The following CAPN9 variants were observed in gnomAD, a reference collection of about 807,000 sequenced individuals.
CAPN9 encodes calpain 9.
CAPN9 carries 81 observed loss-of-function variants against 92.8 expected under a neutral mutation model. That is an observed-to-expected ratio of 0.87 (90% CI 0.73 to 1.05). The LOEUF is 1.05. Ranked by LOEUF, CAPN9 falls within the 50% of genes least tolerant of loss-of-function variation. The pLI, the probability that CAPN9 is intolerant of heterozygous loss-of-function variation, is 0.00. For synonymous variants in CAPN9, 304 were observed against 328.0 expected (o/e 0.93, Z 0.79); for missense variants, 848 against 866.2 (o/e 0.98, Z 0.26).
At chr1:230,766,192 C>T (rs1041154557) in intron 4 of CAPN9, among the ~76,000 whole-genome samples, 1 of 152,156 alleles carries the variant, frequency 6.6e-6, no homozygotes, top group Non-Finnish European at 1.5e-5. Flanking sequence ...AACTCCTGGG[C>T]TCAAGTGATT....
rs768489493 is a variant in CAPN9 at position 230,780,216 on chromosome 1, G to A, written c.1152G>A (p.Leu384=). The change falls in exon 10 of 20, where the codon CTG becomes CTA. Residue 384 remains leucine (L), a synonymous_variant. Transcript: ENST00000271971. The part of the protein sequence containing the change: ...FWTNPQIKLS[L]TEKDEGQEEC... ...CCAATCCACAAATAAAATTGTCTCT[G>A]ACTGAGAAAGATGAGGGGCAGGAGG... is the stretch of plus-strand genomic sequence containing the variant. 7.4e-6 allele frequency: 12 copies of A among 1,613,936 alleles called. No individual in the cohort carries two copies. The highest frequency in any genetic ancestry group is 1.0e-5 in the Non-Finnish European group (12 of 1,179,928).
chr1:230,767,762 C>T (rs370440769), intron 5 of CAPN9, 53 bp downstream of exon 5: 2 of 1,534,340 alleles, frequency 1.3e-6, no homozygotes. Flanking sequence ...CTGCATAGTG[C>T]ATTCCAGGCA....
At chr1:230,795,407 G>T (rs1051046026) in intron 18 of CAPN9, 128 bp downstream of exon 18, 4 of 640,618 alleles carry the variant, frequency 6.2e-6, no homozygotes, top group Non-Finnish European at 1.1e-5. Flanking sequence ...GGTCTGATGT[G>T]TGTGGACCCA....
In CAPN9 at chr1:230,780,223, A is replaced by T; in HGVS notation, c.1159A>T (p.Lys387Ter). The T allele has an allele frequency of 6.2e-7, 1 of 1,614,006 alleles. No individual in the cohort carries two copies. Among genetic ancestry groups the T allele is most frequent in the Non-Finnish European group, 8.5e-7 (1 of 1,179,920 alleles). The stretch of plus-strand genomic sequence containing the variant: ...ACAAATAAAATTGTCTCTGACTGAG[A>T]AAGATGAGGGGCAGGAGGAGTGTAG... Reference protein sequence around the residue: ...NPQIKLSLTEKDEGQEECSFL... With the variant: ...NPQIKLSLTE The change falls in exon 10 of 20, where the codon AAA (lysine) becomes TAA (stop). Residue 387 changes from lysine (K) to a stop codon, truncating the protein, a stop_gained. Coordinates refer to ENST00000271971, the MANE Select transcript of CAPN9 (RefSeq NM_006615.3). LOFTEE classifies it high-confidence loss of function.
intron 8 of CAPN9, among the ~76,000 whole-genome samples, chr1:230,777,494 CCTT>C (rs1329199902): frequency 3.9e-5 from 6 of 152,064 alleles, no homozygotes; most frequent in Non-Finnish European, 5.9e-5. Flanking sequence ...TGAATTCCCC[CCTT>C]CTTCTGAATC....
At chr1:230,757,462 G>C (rs1349220288) in intron 2 of CAPN9, among the ~76,000 whole-genome samples, 4 of 152,184 alleles carry the variant, frequency 2.6e-5, no homozygotes, top group African/African-American at 7.2e-5. Flanking sequence ...TTACCTTAGT[G>C]GATGGTTGAT....
Position 230,794,664 on chromosome 1 carries a change from G to A in CAPN9, c.1871-499G>A, listed in dbSNP as rs1469833004. On this transcript the variant is annotated intron_variant, in intron 17 of 19. Transcript: ENST00000271971. The stretch of plus-strand genomic sequence containing the variant: ...ATTCTTCCCCCATCGTGGATGTGTA[G>A]GAATGGGCCCTGGCAGAGTATCATT... 1.3e-5 allele frequency among the ~76,000 whole-genome samples: 2 copies of A among 152,166 alleles called. 1 individual carries two copies.
chr1:230,756,397 TTAGA>T (rs1318068225), intron 2 of CAPN9, among the ~76,000 whole-genome samples: 1 of 151,812 alleles, frequency 6.6e-6, no homozygotes, highest in Non-Finnish European at 1.5e-5. Context: ...GGATGCATAA[TTAGA>T]TAGATAAATA....
intron 1 of CAPN9, among the ~76,000 whole-genome samples, chr1:230,750,505 G>A (rs1664696581): frequency 6.6e-6 from 1 of 152,188 alleles, no homozygotes; most frequent in South Asian, 2.1e-4. Flanking sequence ...CTGAGGATGA[G>A]CATGGAGACT....
intron 5 of CAPN9, among the ~76,000 whole-genome samples, chr1:230,768,627 A>G (rs1666170182): frequency 6.6e-6 from 1 of 151,832 alleles, no homozygotes; most frequent in African/African-American, 2.4e-5. Flanking sequence ...CTCTATGCAT[A>G]CAAACACACA....
chr1:230,756,305 TGA>T (rs113474263), intron 2 of CAPN9, among the ~76,000 whole-genome samples: 203 of 140,848 alleles, frequency 1.4e-3, no homozygotes, highest in South Asian at 7.3e-3. Context: ...GAGAGACAAT[TGA>T]GAGAGAGAGA....
At chr1:230,751,640 AAAGAAAGAAAGAAAG>A (rs1664825201) in intron 1 of CAPN9, among the ~76,000 whole-genome samples, 1 of 95,506 alleles carries the variant, frequency 1.0e-5, no homozygotes, top group Admixed American at 9.1e-5. Flanking sequence ...AGAAAGAAAG[AAAGAAAGAAAGAAAG>A]AAAGAAAGAA....
chr1:230,762,471 A>G (rs1399179622), intron 3 of CAPN9, among the ~76,000 whole-genome samples, 182 bp from the exon 4 acceptor site: 1 of 152,176 alleles, frequency 6.6e-6, no homozygotes, highest in Non-Finnish European at 1.5e-5. Flanking sequence ...TGGAATACTC[A>G]GCTTGTAACT....
rs900502387 is a variant in CAPN9 at position 230,792,343 on chromosome 1, C to G, written c.1723-83C>G. The stretch of plus-strand genomic sequence containing the variant: ...CCCAGGCCAGCCCATCGGCCCTCCC[C>G]CTCTGCAGTCCCAGAGCTGAGGTCC... On this transcript the variant is annotated intron_variant, in intron 15 of 19. Transcript: ENST00000271971. 5.3e-5 allele frequency: 63 copies of G among 1,183,864 alleles called. 1 individual carries two copies. The East Asian group carries it at 1.1e-3, about 21-fold the overall frequency. 73.3% of individuals were successfully genotyped at this position (1,183,864 alleles called of 1,614,324 possible). A position where few individuals can be genotyped will look rare whatever the true frequency, so the allele number is the denominator to read the frequency against.
intron 19 of CAPN9, among the ~76,000 whole-genome samples, chr1:230,800,238 GAAAGAA>G (rs1668601876): frequency 2.0e-5 from 1 of 49,516 alleles, no homozygotes; most frequent in African/African-American, 8.9e-5. Flanking sequence ...AAAGAAGAAA[GAAAGAA>G]AGAAAGAAAG....
chr1:230,772,145 G>A, intron 7 of CAPN9, 46 bp downstream of exon 7: 1 of 1,528,190 alleles, frequency 6.5e-7, no homozygotes, highest in Non-Finnish European at 9.1e-7. Context: ...CGGGGCGTGT[G>A]GGGCCAGAGC....
Position 230,799,888 on chromosome 1 carries a change from C to T in CAPN9, c.2046+1668C>T, listed in dbSNP as rs370334465. 3.9e-4 allele frequency among the ~76,000 whole-genome samples: 59 copies of T among 150,886 alleles called. No individual in the cohort carries two copies. In the East Asian group the frequency reaches 0.011, roughly 28 times the overall value. On this transcript the variant is annotated intron_variant, in intron 19 of 19. Coordinates refer to ENST00000271971, the MANE Select transcript of CAPN9 (RefSeq NM_006615.3). ...ACTCCAGCCTGGAAGAGAGTGATAG[C>T]AAGACCCTGTCTCTTAAAAAAGAAA...
chr1:230,786,957 A>G (rs1667634288), intron 12 of CAPN9, among the ~76,000 whole-genome samples: 1 of 152,096 alleles, frequency 6.6e-6, no homozygotes, highest in Non-Finnish European at 1.5e-5. Context: ...AGCTGGAAAT[A>G]GTCTGACACG....
intron 5 of CAPN9, among the ~76,000 whole-genome samples, chr1:230,768,740 C>T (rs80199720): frequency 9.9e-5 from 15 of 152,016 alleles, no homozygotes; most frequent in Non-Finnish European, 2.1e-4. Flanking sequence ...TCTGTTTCCT[C>T]TTAGATTAGC....
Sources: gnomAD v4.1 joint callset for allele counts (sites outside exome capture counted in the v4.1 genomes callset) on GRCh38, gnomAD v4.1.1 for gene constraint, MANE v1.5 for transcripts, NCBI Gene and HGNC (gene_info 2026-07-23, HGNC 2026-07-21) for gene names.